KCNT2: variants seen among roughly 807,000 people sequenced by gnomAD.
KCNT2 encodes potassium sodium-activated channel subfamily T member 2.
KCNT2 carries 67 observed loss-of-function variants against 153.8 expected under a neutral mutation model. The observed-to-expected ratio is 0.44, with a 90% CI of 0.36 to 0.53. The LOEUF is 0.53. Ranked by LOEUF, KCNT2 falls within the 20% of genes least tolerant of loss-of-function variation. The pLI, the probability that KCNT2 is intolerant of heterozygous loss-of-function variation, is 0.00. For synonymous variants in KCNT2, 500 were observed against 458.8 expected, an observed-to-expected ratio of 1.09 and a Z score of -1.15; for missense variants, 975 against 1,354.8, an observed-to-expected ratio of 0.72 and a Z score of 4.40.
intron 26 of KCNT2, among the ~76,000 whole-genome samples, chr1:196,236,835 G>T (rs1396531544): frequency 1.3e-5 from 2 of 151,502 alleles, no homozygotes; most frequent in Non-Finnish European, 3.0e-5. Flanking sequence ...AAACAGCTTT[G>T]TGGTCTCAAT....
intron 3 of KCNT2, among the ~76,000 whole-genome samples, chr1:196,485,818 A>G (rs192341902): frequency 1.3e-5 from 2 of 152,110 alleles, no homozygotes; most frequent in East Asian, 3.9e-4. Flanking sequence ...ATAAAAAAAA[A>G]GAATGTGGGA....
At chr1:196,548,982 A>C (rs1657517777) in intron 1 of KCNT2, among the ~76,000 whole-genome samples, 1 of 151,008 alleles carries the variant, frequency 6.6e-6, no homozygotes, top group African/African-American at 2.4e-5. Flanking sequence ...AGGAAGGGGA[A>C]CATCACACTC....
At chr1:196,257,186 A>G in intron 26 of KCNT2, 1 of 948,918 alleles carries the variant, frequency 1.1e-6, no homozygotes, top group Non-Finnish European at 1.3e-6. Context: ...ACAAGAATAT[A>G]CACATAAAGC....
At chr1:196,543,521 G>T (rs1479272093) in intron 1 of KCNT2, among the ~76,000 whole-genome samples, 2 of 152,020 alleles carry the variant, frequency 1.3e-5, no homozygotes, top group East Asian at 3.9e-4. Flanking sequence ...AATAAAATAA[G>T]TCCAGACAAA....
chr1:196,553,112 G>T (rs1035131066), intron 1 of KCNT2, among the ~76,000 whole-genome samples: 5 of 150,976 alleles, frequency 3.3e-5, no homozygotes, highest in African/African-American at 1.2e-4. Flanking sequence ...CTGGTCAAAA[G>T]ACACAGAGTG....
chr1:196,401,850 A>G (rs1177147822), intron 12 of KCNT2, among the ~76,000 whole-genome samples: 1 of 151,654 alleles, frequency 6.6e-6, no homozygotes, highest in Non-Finnish European at 1.5e-5. Context: ...AGCAAAATCT[A>G]AACTATATAA....
intron 25 of KCNT2, among the ~76,000 whole-genome samples, chr1:196,268,990 A>AATG (rs1196449278): frequency 2.6e-5 from 4 of 152,202 alleles, no homozygotes; most frequent in South Asian, 2.1e-4. Context: ...TAATAATAAT[A>AATG]ATAAAGAAAT....
At chr1:196,437,962 A>G (rs762654577) in intron 8 of KCNT2, among the ~76,000 whole-genome samples, 2 of 151,498 alleles carry the variant, frequency 1.3e-5, no homozygotes, top group Non-Finnish European at 3.0e-5. Context: ...TACTATTACT[A>G]ATAATATCAT....
chr1:196,285,410 AG>A (rs1310899675), intron 23 of KCNT2, among the ~76,000 whole-genome samples: 1 of 152,188 alleles, frequency 6.6e-6, no homozygotes, highest in Non-Finnish European at 1.5e-5. Flanking sequence ...TAAACACTGC[AG>A]GGCACTGGTA....
chr1:196,487,290 A>G (rs1431662310), intron 3 of KCNT2, among the ~76,000 whole-genome samples: 1 of 151,992 alleles, frequency 6.6e-6, no homozygotes, highest in Non-Finnish European at 1.5e-5. Context: ...AAAAACATAT[A>G]TGCCTTCTCC....
At chr1:196,233,829 C>T (rs1272322677) in intron 27 of KCNT2, among the ~76,000 whole-genome samples, 2 of 151,390 alleles carry the variant, frequency 1.3e-5, no homozygotes, top group Admixed American at 1.3e-4. Context: ...ATCATGTTTT[C>T]ATTCAAATGT....
chr1:196,541,316 A>G lies in KCNT2; in HGVS notation c.96-48975T>C, dbSNP rs963224679. On this transcript the variant is annotated intron_variant, in intron 1 of 27. Coordinates refer to ENST00000294725, the MANE Select transcript of KCNT2 (RefSeq NM_198503.5). The stretch of plus-strand genomic sequence containing the variant: ...GAATTACATTATATAACCCAACAAT[A>G]TAACTTGCTACAGAGTGAGGTCAGG... Among the ~76,000 whole-genome samples, 10 of 152,186 alleles carry G rather than the reference A, an allele frequency of 6.6e-5. No individual in the cohort carries two copies. In the South Asian group the frequency reaches 8.3e-4, roughly 13 times the overall value.
At chr1:196,437,491 T>C (rs1257584106) in intron 8 of KCNT2, among the ~76,000 whole-genome samples, 2 of 147,734 alleles carry the variant, frequency 1.4e-5, no homozygotes, top group Non-Finnish European at 3.0e-5. Flanking sequence ...ATCCCCCGCC[T>C]AAACATTTTA....
chr1:196,316,692 C>A (rs1040387061), intron 20 of KCNT2, among the ~76,000 whole-genome samples: 2 of 151,474 alleles, frequency 1.3e-5, no homozygotes, highest in Non-Finnish European at 3.0e-5. Context: ...AAGTAGGAAA[C>A]ACATACCTGT....
Position 196,489,827 on chromosome 1 carries a change from A to C in KCNT2, c.275+11T>G. On this transcript the variant is annotated intron_variant, in intron 3 of 27. Transcript: ENST00000294725. ...AATAATATTGTTGAAGGTCAGAAAAAGGTACCTTACCATTCATTTCCTTGT... is the reference window on the plus strand; with the variant it reads ...AATAATATTGTTGAAGGTCAGAAAACGGTACCTTACCATTCATTTCCTTGT... 7.5e-7 allele frequency: 1 copy of C among 1,337,530 alleles called. No homozygotes were observed. Among genetic ancestry groups the C allele is most frequent in the Non-Finnish European group, 1.1e-6 (1 of 949,160 alleles). 82.9% of individuals were successfully genotyped at this position (1,337,530 alleles called of 1,614,324 possible).
chr1:196,266,327 T>G (rs1213844004), intron 25 of KCNT2, among the ~76,000 whole-genome samples: 2 of 152,178 alleles, frequency 1.3e-5, no homozygotes, highest in Non-Finnish European at 2.9e-5. Flanking sequence ...ATATGGGAAT[T>G]GCACTAAAAT....
Position 196,479,255 on chromosome 1 carries a change from A to T in KCNT2, c.325-17T>A. 1 of 1,472,732 alleles carries T rather than the reference A, an allele frequency of 6.8e-7. No individual in the cohort carries two copies. Among genetic ancestry groups the T allele is most frequent in the Non-Finnish European group, 9.4e-7 (1 of 1,060,550 alleles). The allele number at this position is 1,472,732 out of a possible 1,614,324, so 91.2% of individuals were successfully genotyped here. A position where few individuals can be genotyped will look rare whatever the true frequency, so the allele number is the denominator to read the frequency against. Reference sequence around the variant, plus strand: ...CACTGAAACCTGAAAGATAAATTGTAACTTAATGAGAAAACGCAATACAAT... The same window carrying T: ...CACTGAAACCTGAAAGATAAATTGTTACTTAATGAGAAAACGCAATACAAT... On this transcript the variant is annotated splice_polypyrimidine_tract_variant and intron_variant, in intron 4 of 27. Coordinates refer to ENST00000294725, the MANE Select transcript of KCNT2 (RefSeq NM_198503.5).
chr1:196,499,398 A>G (rs912886744), intron 1 of KCNT2, among the ~76,000 whole-genome samples: 10 of 152,246 alleles, frequency 6.6e-5, no homozygotes, highest in Non-Finnish European at 2.9e-5. Flanking sequence ...CCATAAGGGC[A>G]AGGGCCATAT....
At chr1:196,426,032 T>C in intron 10 of KCNT2, 44 bp from the exon 11 acceptor site, 1 of 1,498,160 alleles carries the variant, frequency 6.7e-7, no homozygotes, top group Non-Finnish European at 9.3e-7. Flanking sequence ...CAAAAATGTT[T>C]TATGTTACAC....
Sources: allele counts gnomAD v4.1 joint callset (sites outside exome capture counted in the v4.1 genomes callset), GRCh38; gene constraint gnomAD v4.1.1; transcripts MANE v1.5; gene names NCBI Gene and HGNC (gene_info 2026-07-23, HGNC 2026-07-21).